ZC3H13: variants seen among roughly 807,000 people sequenced by gnomAD.
ZC3H13 encodes zinc finger CCCH domain-containing protein 13.
Under a neutral mutation model 204.1 loss-of-function variants are expected in ZC3H13, and 64 were observed. The observed-to-expected ratio is 0.31, with a 90% confidence interval of 0.26 to 0.39. The LOEUF (loss-of-function observed/expected upper bound fraction) is 0.39. Ranked by LOEUF, ZC3H13 falls within the 10% of genes least tolerant of loss-of-function variation. ZC3H13 has a pLI of 1.00. For missense variants in ZC3H13, 1,833 were observed against 2,082.7 expected (o/e 0.88, Z 2.33); for synonymous variants, 667 against 693.7 (o/e 0.96, Z 0.60).
chr13:45,987,375 T>G (rs796941228), intron 9 of ZC3H13, among the ~76,000 whole-genome samples: 2 of 152,204 alleles, frequency 1.3e-5, no homozygotes, highest in South Asian at 4.1e-4. Flanking sequence ...TAATGGAGTT[T>G]TCATTCAATA....
chr13:46,018,791 C>A (rs552556867), intron 5 of ZC3H13, among the ~76,000 whole-genome samples: 1 of 152,090 alleles, frequency 6.6e-6, no homozygotes, highest in East Asian at 1.9e-4. Context: ...ATTGTAATGA[C>A]AACTGAAAAT....
chr13:46,045,358 A>C, intron 2 of ZC3H13, 33 bp downstream of exon 2: 1 of 1,531,260 alleles, frequency 6.5e-7, no homozygotes, highest in South Asian at 1.1e-5. Flanking sequence ...GAATTCTAAG[A>C]GAACCCCTGT....
chr13:45,994,572 C>G (rs1009865694), intron 8 of ZC3H13, among the ~76,000 whole-genome samples: 2 of 152,166 alleles, frequency 1.3e-5, no homozygotes, highest in Non-Finnish European at 2.9e-5. Context: ...AAAGCTGTAC[C>G]TACCAATGTG....
rs79878411 is a variant in ZC3H13, at chr13:46,010,365, G to A, written c.729C>T (p.Pro243=). The A allele has an allele frequency of 1.4e-3, 2,280 of 1,612,774 alleles. 35 individuals are homozygous for A. In the African/African-American group the frequency reaches 0.027, roughly 19 times the overall value. Residue 243 remains proline, a synonymous_variant, in exon 7 of 19, where the codon CCC becomes CCT. Transcript: ENST00000679008. ...KDRKTSAVSS[P]LLDQQRNSKT... ...CTACTGACCTCTGCTGGTCCAACAG[G>A]GGAGAAGATACTGCAGATGTCTTCC...
intron 7 of ZC3H13, 116 bp from the exon 8 acceptor site, chr13:46,003,452 TAC>T: frequency 1.1e-6 from 1 of 897,226 alleles, no homozygotes; most frequent in Non-Finnish European, 1.7e-6. Context: ...TTATTTTGTA[TAC>T]TACTAACCAA....
At position 45,985,489 on chromosome 13, in the gene ZC3H13, G is replaced by A. The variant is rs1954093979; in HGVS notation, c.1528C>T (p.Arg510Cys). 3.7e-6 allele frequency: 6 copies of A among 1,614,088 alleles called. No individual in the cohort carries two copies. Among genetic ancestry groups the A allele is most frequent in the African/African-American group, 1.3e-5 (1 of 74,994 alleles). Residue 510 changes from arginine (R) to cysteine (C), a missense_variant, in exon 10 of 19, where the codon CGT becomes TGT. Transcript: ENST00000679008. ...TTTCGATGAGTATCTCGACCTTCAC[G>A]GTCCCTGTAGTCATGGGCATCACGA... ...STRDAHDYRD[R>C]EGRDTHRKED...
intron 8 of ZC3H13, among the ~76,000 whole-genome samples, chr13:45,991,165 T>C (rs913748098): frequency 3.9e-5 from 6 of 152,204 alleles, no homozygotes; most frequent in Non-Finnish European, 7.3e-5. Flanking sequence ...TTTTGGTTAC[T>C]TCTGTGTTTA....
rs2043889480 is a variant in ZC3H13, at chr13:46,045,535, G to C, written c.-9-19C>G. ...TGTACTACTTCAACCAAAAAAGAAA[G>C]AGGCAAAACTGTAAAATTCCTCAGT... On this transcript the variant is annotated intron_variant, in intron 1 of 18. Coordinates refer to ENST00000679008, the MANE Select transcript of ZC3H13 (RefSeq NM_001330564.2). The C allele has an allele frequency of 2.6e-6, 4 of 1,555,308 alleles. No individual in the cohort carries two copies. Among genetic ancestry groups the C allele is most frequent in the Non-Finnish European group, 3.5e-6 (4 of 1,126,840 alleles).
At chr13:45,985,896 A>G in intron 9 of ZC3H13, 135 bp from the exon 10 acceptor site, 2 of 808,324 alleles carry the variant, frequency 2.5e-6, no homozygotes, top group South Asian at 2.0e-5. Context: ...TAAAGAAGCT[A>G]AAATTCCAAA....
At chr13:45,989,535 G>A (rs1016273635) in intron 8 of ZC3H13, among the ~76,000 whole-genome samples, 4 of 152,218 alleles carry the variant, frequency 2.6e-5, no homozygotes, top group Non-Finnish European at 5.9e-5. Context: ...GGTAAAAGGG[G>A]AGGTAGCATC....
chr13:46,023,844 C>G (rs143410183), intron 4 of ZC3H13, among the ~76,000 whole-genome samples: 1 of 152,292 alleles, frequency 6.6e-6, no homozygotes, highest in Non-Finnish European at 1.5e-5. Flanking sequence ...TAAAGCTTAT[C>G]TCTTACCATA....
rs1951291026 is a variant in ZC3H13, at chr13:45,956,653, T to C, written c.*474A>G. 1 of 152,258 alleles carries C rather than the reference T, an allele frequency of 6.6e-6. No homozygotes were observed. Among genetic ancestry groups the C allele is most frequent in the South Asian group, 2.1e-4 (1 of 4,836 alleles). The allele number at this position is 152,258 out of a possible 1,614,324, so 9.4% of individuals were successfully genotyped here. Reference sequence around the variant, plus strand: ...TTCTGCTGAAATTCGCCTATAAACATACCACGCCAGCTAGACCAGCATTCC... The same window carrying C: ...TTCTGCTGAAATTCGCCTATAAACACACCACGCCAGCTAGACCAGCATTCC... On this transcript the variant is annotated 3_prime_UTR_variant, in exon 19 of 19. Transcript: ENST00000679008.
chr13:45,995,338 T>G (rs1473243898), intron 8 of ZC3H13, among the ~76,000 whole-genome samples: 1 of 152,198 alleles, frequency 6.6e-6, no homozygotes, highest in African/African-American at 2.4e-5. Context: ...TATGAGTTTC[T>G]CTCCTGAATT....
At chr13:45,984,356 T>C (rs1485467975) in intron 10 of ZC3H13, among the ~76,000 whole-genome samples, 1 of 152,096 alleles carries the variant, frequency 6.6e-6, no homozygotes, top group Non-Finnish European at 1.5e-5. Flanking sequence ...ATTCAAAATT[T>C]TGAACCATGT....
At chr13:45,993,652 A>G (rs1031160578) in intron 8 of ZC3H13, among the ~76,000 whole-genome samples, 2 of 152,206 alleles carry the variant, frequency 1.3e-5, no homozygotes, top group East Asian at 3.8e-4. Context: ...AAATATAACA[A>G]GATCTTACTC....
intron 4 of ZC3H13, among the ~76,000 whole-genome samples, chr13:46,031,932 G>T (rs2042922968): frequency 6.6e-6 from 1 of 152,160 alleles, no homozygotes. Context: ...TTTACCCAAA[G>T]AAGTTGAAAA....
At position 45,967,974 on chromosome 13, in the gene ZC3H13, C is replaced by T. The variant is rs1377400470; in HGVS notation, c.3851G>A (p.Arg1284Gln). Reference protein sequence around the residue: ...SSRRSSPESDRQVHSRSGSFD... With the variant: ...SSRRSSPESDQQVHSRSGSFD... ...TGACCCAGATCTTGAATGGACCTGT[C>T]GATCTGACTCTGGAGAACTTCTTCT... is the stretch of plus-strand genomic sequence containing the variant. Residue 1284 changes from arginine to glutamine, a missense_variant, in exon 15 of 19, where the codon CGA becomes CAA. Transcript: ENST00000679008. The T allele has an allele frequency of 1.3e-5, 21 of 1,613,016 alleles. 1 individual carries two copies. The Middle Eastern group carries it at 8.3e-4, about 63-fold the overall frequency.
intron 7 of ZC3H13, among the ~76,000 whole-genome samples, chr13:46,005,498 CT>C (rs1555288335): frequency 6.6e-6 from 1 of 151,782 alleles, no homozygotes; most frequent in Admixed American, 6.6e-5. Context: ...TTGATTTCTT[CT>C]TTTTTTTGGA....
At chr13:46,018,754 C>T (rs906002309) in intron 5 of ZC3H13, among the ~76,000 whole-genome samples, 3 of 152,000 alleles carry the variant, frequency 2.0e-5, no homozygotes, top group African/African-American at 4.8e-5. Context: ...TTTTCTGAAC[C>T]TTTTATATTT....
Sources: allele counts gnomAD v4.1 joint callset (sites outside exome capture counted in the v4.1 genomes callset), GRCh38; gene constraint gnomAD v4.1.1; transcripts MANE v1.5; gene names NCBI Gene and HGNC (gene_info 2026-07-23, HGNC 2026-07-21).